Variants in TUT7 observed in about 807,000 individuals in gnomAD.
The protein encoded by TUT7 is terminal uridylyl transferase 7.
A neutral mutation model predicts 165.9 loss-of-function variants in TUT7; 33 were observed. That is an observed-to-expected ratio of 0.20 (90% CI 0.15 to 0.27). The LOEUF (loss-of-function observed/expected upper bound fraction) is 0.27. TUT7 is among the 10% of genes least tolerant of loss of function. The pLI is 1.00. For synonymous variants in TUT7, 552 were observed against 608.1 expected, an observed-to-expected ratio of 0.91 and a Z score of 1.36; for missense variants, 1,338 against 1,762.3, an observed-to-expected ratio of 0.76 and a Z score of 4.31.
At chr9:86,322,651 G>A (rs1464839462) in intron 13 of TUT7, among the ~76,000 whole-genome samples, 176 bp from the exon 14 acceptor site, 1 of 152,108 alleles carries the variant, frequency 6.6e-6, no homozygotes, top group East Asian at 1.9e-4. Context: ...GTATCATTAG[G>A]AGAACATAGT....
At position 86,308,559 on chromosome 9, in the gene TUT7, C is replaced by A; in HGVS notation, c.3708G>T (p.Gln1236His). 6.2e-7 allele frequency: 1 copy of A among 1,613,842 alleles called. No individual in the cohort carries two copies. The highest frequency in any genetic ancestry group is 8.5e-7 in the Non-Finnish European group (1 of 1,179,948). ...ECGKNTESVGQLWLGLLRFYT... is the reference protein window; with the variant it reads ...ECGKNTESVGHLWLGLLRFYT... ...AGAAACGAAGAAGGCCCAACCATAA[C>A]TGCCCAACAGATTCTGTATTTTTTC... is the stretch of plus-strand genomic sequence containing the variant. The change falls in exon 22 of 27, where the codon CAG becomes CAT. Residue 1236 changes from glutamine to histidine, a missense_variant. This residue lies in a region of TUT7 where 157 missense variants were observed against 357.5 expected (regional missense o/e 0.44). Transcript: ENST00000375963.
chr9:86,309,229 CA>C lies in TUT7; in HGVS notation c.3642del (p.Phe1214LeufsTer4). ...ATACGTACCAGTTCATCTATTTGATCAAAAAAATAAATATTCCAGCCATCAA... is the reference window on the plus strand; with the variant it reads ...ATACGTACCAGTTCATCTATTTGATCAAAAAATAAATATTCCAGCCATCAA... ...IFVDGWNIYFFDQIDELPTYW... is the reference protein window; with the variant it reads ...IFVDGWNIYFXDQIDELPTYW... On this transcript the variant is annotated frameshift_variant, in exon 21 of 27. Coordinates refer to ENST00000375963, the MANE Select transcript of TUT7 (RefSeq NM_024617.4). LOFTEE classifies it high-confidence loss of function. 7.0e-6 allele frequency: 11 copies of C among 1,570,302 alleles called. No homozygotes were observed. Among genetic ancestry groups the C allele is most frequent in the Admixed American group, 1.8e-5 (1 of 56,958 alleles).
chr9:86,338,108 G>A (rs1225314816), intron 9 of TUT7, among the ~76,000 whole-genome samples: 4 of 151,910 alleles, frequency 2.6e-5, no homozygotes, highest in East Asian at 1.9e-4. Context: ...TGGGAAATCC[G>A]TTGTTCATTC....
At chr9:86,327,770 C>T (rs761980434) in intron 11 of TUT7, among the ~76,000 whole-genome samples, 4 of 152,094 alleles carry the variant, frequency 2.6e-5, no homozygotes, top group South Asian at 2.1e-4. Flanking sequence ...AGCTGGGATT[C>T]GATTCCAAGA....
At chr9:86,333,852 A>G (rs1393831795) in intron 10 of TUT7, among the ~76,000 whole-genome samples, 1 of 152,054 alleles carries the variant, frequency 6.6e-6, no homozygotes, top group Non-Finnish European at 1.5e-5. Flanking sequence ...TCTGGCTAGG[A>G]GTTAGGATGT....
chr9:86,327,694 A>G (rs1829917961), intron 11 of TUT7, among the ~76,000 whole-genome samples: 1 of 152,232 alleles, frequency 6.6e-6, no homozygotes, highest in Non-Finnish European at 1.5e-5. Context: ...CTGATTCACC[A>G]CTAACTCCTC....
At position 86,306,753 on chromosome 9, in the gene TUT7, C is replaced by T. The variant is rs149043483; in HGVS notation, c.3839-1514G>A. On this transcript the variant is annotated intron_variant, in intron 22 of 26. Coordinates refer to ENST00000375963, the MANE Select transcript of TUT7 (RefSeq NM_024617.4). ...AGCGGAGGGTGCAGTGACCTGAAAT[C>T]GCACCATTACACTCCAGCCTGGGCG... Among the ~76,000 whole-genome samples the T allele has an allele frequency of 2.2e-4, 33 of 152,158 alleles. No homozygotes were observed. The South Asian group carries it at 2.3e-3, about 11-fold the overall frequency.
At position 86,311,850 on chromosome 9, in the gene TUT7, A is replaced by G. The variant is rs973437925; in HGVS notation, c.3275-1041T>C. ...TTGGCCGGGCTGGTCTCCAGCTCCT[A>G]ACCACGAGTGATCCGCCAGCCTTGG... On this transcript the variant is annotated intron_variant, in intron 17 of 26. Transcript: ENST00000375963. This position sits in a 1 kb window ranked among gnomAD's most constrained non-coding sequence, Gnocchi z 4.4. 1.3e-5 allele frequency among the ~76,000 whole-genome samples: 2 copies of G among 152,174 alleles called. No individual in the cohort carries two copies. The highest frequency in any genetic ancestry group is 6.5e-5 in the Admixed American group (1 of 15,286).
In TUT7 at chr9:86,322,375, A is replaced by G; in HGVS notation, c.2978T>C (p.Leu993Ser). The G allele has an allele frequency of 6.2e-7, 1 of 1,614,094 alleles. No individual in the cohort carries two copies. The highest frequency in any genetic ancestry group is 8.5e-7 in the Non-Finnish European group (1 of 1,179,960). ...TAAGATATTTAAAAACTTGGGTGTT[A>G]ATGGTGGCAGAGGTTCTAGCTGGAT... Reference protein sequence around the residue: ...KRIQLEPLPPLTPKFLNILDQ... With the variant: ...KRIQLEPLPPSTPKFLNILDQ... The change falls in exon 14 of 27, where the codon TTA becomes TCA. Residue 993 changes from leucine (L) to serine (S), a missense_variant. By Grantham distance (145) the Leu-to-Ser change is moderately radical. Transcript: ENST00000375963.
Position 86,288,000 on chromosome 9 carries a change from A to T in TUT7, c.*677T>A, listed in dbSNP as rs1825660416. 6.6e-6 allele frequency: 1 copy of T among 152,234 alleles called. No homozygotes were observed. Among genetic ancestry groups the T allele is most frequent in the East Asian group, 1.9e-4 (1 of 5,192 alleles). 9.4% of individuals were successfully genotyped at this position (152,234 alleles called of 1,614,324 possible). A position where few individuals can be genotyped will look rare whatever the true frequency, so the allele number is the denominator to read the frequency against. On this transcript the variant is annotated 3_prime_UTR_variant, in exon 27 of 27. Coordinates refer to ENST00000375963, the MANE Select transcript of TUT7 (RefSeq NM_024617.4). ...TTATTTTTCCTTTGAAAATGTTTTTAGTGGCAAACAGGACTACTTGTTTTC... is the reference window on the plus strand; with the variant it reads ...TTATTTTTCCTTTGAAAATGTTTTTTGTGGCAAACAGGACTACTTGTTTTC...
chr9:86,326,014 A>G (rs996730202), intron 11 of TUT7, among the ~76,000 whole-genome samples: 10 of 152,362 alleles, frequency 6.6e-5, no homozygotes, highest in Admixed American at 6.5e-4. Context: ...TTTAAAGTCA[A>G]ATAACTCTTG....
At chr9:86,312,494 G>T (rs1186168936) in intron 17 of TUT7, among the ~76,000 whole-genome samples, 2 of 150,520 alleles carry the variant, frequency 1.3e-5, no homozygotes, top group African/African-American at 4.9e-5. Flanking sequence ...GAGGTGGGGG[G>T]GTCAGTCCCC....
chr9:86,317,068 C>A, intron 17 of TUT7, 151 bp downstream of exon 17: 1 of 615,800 alleles, frequency 1.6e-6, no homozygotes, highest in Non-Finnish European at 2.8e-6. Context: ...GGAACTTGAG[C>A]ATCTAAGGAT....
intron 17 of TUT7, among the ~76,000 whole-genome samples, chr9:86,312,918 TCG>T (rs1491268105): frequency 6.6e-6 from 1 of 151,860 alleles, no homozygotes; most frequent in African/African-American, 2.4e-5. Context: ...GGCAGCATGC[TCG>T]TTAAGAGTCA....
rs7859388 is a variant in TUT7, at chr9:86,311,926, A to G, written c.3275-1117T>C. On this transcript the variant is annotated intron_variant, in intron 17 of 26. Coordinates refer to ENST00000375963, the MANE Select transcript of TUT7 (RefSeq NM_024617.4). This position sits in a 1 kb window ranked among gnomAD's most constrained non-coding sequence, Gnocchi z 4.4. ...CGGAGTCTCGTTCACTCAGTGCTCA[A>G]TGGTGCCCAGGCTGGAGTGCAGTGG... 0.44 allele frequency among the ~76,000 whole-genome samples: 67,422 copies of G among 151,938 alleles called. 15,165 individuals are homozygous for G. The highest frequency in any genetic ancestry group is 0.6 in the Middle Eastern group (175 of 294).
chr9:86,351,568 G>A (rs1162952949), intron 2 of TUT7, among the ~76,000 whole-genome samples: 1 of 152,124 alleles, frequency 6.6e-6, no homozygotes, highest in Non-Finnish European at 1.5e-5. Context: ...TTTATCCTAA[G>A]ACCTTGTAAA....
intron 15 of TUT7, among the ~76,000 whole-genome samples, 198 bp from the exon 16 acceptor site, chr9:86,319,256 T>C (rs1829007409): frequency 6.6e-6 from 1 of 152,230 alleles, no homozygotes; most frequent in African/African-American, 2.4e-5. Flanking sequence ...AAGCTGTATA[T>C]GGCAAGAAAG....
chr9:86,347,978 A>G (rs1831920541), intron 2 of TUT7, among the ~76,000 whole-genome samples: 1 of 152,096 alleles, frequency 6.6e-6, no homozygotes, highest in Non-Finnish European at 1.5e-5. Flanking sequence ...AACTGCATCT[A>G]ACTTCAGTGT....
chr9:86,353,653 T>C (rs1390538063), intron 1 of TUT7, among the ~76,000 whole-genome samples: 1 of 152,184 alleles, frequency 6.6e-6, no homozygotes, highest in Non-Finnish European at 1.5e-5. Flanking sequence ...GGCAATTACT[T>C]GTAAGTGTTA....
Sources: gnomAD v4.1 joint callset for allele counts (sites outside exome capture counted in the v4.1 genomes callset) on GRCh38, gnomAD v4.1.1 for gene constraint, gnomAD v4.1.1 regional missense constraint, Gnocchi (gnomAD v3.1) non-coding constraint, MANE v1.5 for transcripts, NCBI Gene and HGNC (gene_info 2026-07-23, HGNC 2026-07-21) for gene names.